NUP98: variants seen among roughly 807,000 people sequenced by gnomAD.
The protein encoded by NUP98 is nuclear pore complex protein Nup98-Nup96.
A neutral mutation model predicts 191.9 loss-of-function variants in NUP98; 26 were observed. The ratio of observed to expected loss-of-function variants is 0.14; its 90% CI spans 0.10 to 0.19. NUP98 has a LOEUF of 0.19. Among genes scored for constraint, NUP98 ranks in the 10% least tolerant of loss-of-function variants. The pLI is 1.00. For missense variants in NUP98, 1,941 were observed against 2,178.8 expected, an observed-to-expected ratio of 0.89 and a Z score of 2.17; for synonymous variants, 808 against 778.4, an observed-to-expected ratio of 1.04 and a Z score of -0.63.
At chr11:3,776,053 C>T (rs773640372) in intron 4 of NUP98, 32 bp from the exon 5 acceptor site, 3 of 1,555,292 alleles carry the variant, frequency 1.9e-6, no homozygotes, top group Non-Finnish European at 2.6e-6. Context: ...GAGACGATAA[C>T]AGTAAGAAAT....
chr11:3,733,965 C>A (rs2079946149), intron 13 of NUP98, among the ~76,000 whole-genome samples: 1 of 151,968 alleles, frequency 6.6e-6, no homozygotes. Flanking sequence ...TTAAAAGGTA[C>A]TTTCATATTC....
chr11:3,761,452 C>A lies in NUP98; in HGVS notation c.1087-826G>T, dbSNP rs543020016. On this transcript the variant is annotated intron_variant, in intron 9 of 32. Transcript: ENST00000324932. Reference sequence around the variant, plus strand: ...GCCTAGCCAACGTGGCAAAATCCCACCTCTACTAAAAAATACAAAAATTAA... The same window carrying A: ...GCCTAGCCAACGTGGCAAAATCCCAACTCTACTAAAAAATACAAAAATTAA... Among the ~76,000 whole-genome samples, 328 of 152,106 alleles carry A rather than the reference C, an allele frequency of 2.2e-3. 2 individuals are homozygous for A. The highest frequency in any genetic ancestry group is 3.3e-3 in the Non-Finnish European group (226 of 67,982).
Position 3,772,684 on chromosome 11 carries a change from G to A in NUP98, c.604-756C>T, listed in dbSNP as rs142351454. On this transcript the variant is annotated intron_variant, in intron 6 of 32. Transcript: ENST00000324932. ...ACAAAAATTAGCTGGGCATAGTGGC[G>A]TGCAGCTGCAATCCCAGCTACTCAG... Among the ~76,000 whole-genome samples the A allele has an allele frequency of 3.7e-3, 570 of 152,012 alleles. 2 individuals are homozygous for A. Among genetic ancestry groups the A allele is most frequent in the Middle Eastern group, 6.8e-3 (2 of 294 alleles).
chr11:3,752,255 C>T (rs1322379629), intron 11 of NUP98, among the ~76,000 whole-genome samples: 1 of 151,566 alleles, frequency 6.6e-6, no homozygotes, highest in Non-Finnish European at 1.5e-5. Flanking sequence ...CGGTGGCTCA[C>T]ACCTGTAATC....
At chr11:3,682,298 T>C (rs2078005565) in intron 30 of NUP98, among the ~76,000 whole-genome samples, 1 of 152,220 alleles carries the variant, frequency 6.6e-6, no homozygotes, top group African/African-American at 2.4e-5. Context: ...TTCAAGAACT[T>C]TCCTTTAACA....
rs2080863189 is a variant in NUP98, at chr11:3,753,927, G to A, written c.1175-519C>T. On this transcript the variant is annotated intron_variant, in intron 10 of 32. Coordinates refer to ENST00000324932, the MANE Select transcript of NUP98 (RefSeq NM_016320.5). ...GCACTCCAGCCTGGGCAACAGAGCA[G>A]GACTCTGTCTCGAAAACAAATAAAA... Among the ~76,000 whole-genome samples, 8 of 150,708 alleles carry A rather than the reference G, an allele frequency of 5.3e-5. No homozygotes were observed. The South Asian group carries it at 1.5e-3, about 28-fold the overall frequency.
chr11:3,681,323 G>A (rs530873399), intron 30 of NUP98, among the ~76,000 whole-genome samples: 3 of 152,250 alleles, frequency 2.0e-5, no homozygotes, highest in East Asian at 1.9e-4. Context: ...TTACAGGTAC[G>A]AGCCACCGTG....
chr11:3,702,416 AC>A, intron 23 of NUP98, 46 bp downstream of exon 23: 1 of 1,534,624 alleles, frequency 6.5e-7, no homozygotes. Context: ...AGTTTTTTTC[AC>A]CTATCATGTT....
rs901077570 is a variant in NUP98, at chr11:3,744,399, T to C, written c.1408+110A>G. 5 of 1,063,466 alleles carry C rather than the reference T, an allele frequency of 4.7e-6. No individual in the cohort carries two copies. The African/African-American group carries it at 6.3e-5, about 13-fold the overall frequency. 65.9% of individuals were successfully genotyped at this position (1,063,466 alleles called of 1,614,324 possible). On this transcript the variant is annotated intron_variant, in intron 12 of 32. Coordinates refer to ENST00000324932, the MANE Select transcript of NUP98 (RefSeq NM_016320.5). ...TTTACTACCCAATTGTTTAATGACA[T>C]GCATGTATGCAATGCCTTGGTAGGA...
intron 5 of NUP98, among the ~76,000 whole-genome samples, chr11:3,774,202 A>C (rs1298247456): frequency 2.0e-5 from 3 of 151,494 alleles, no homozygotes; most frequent in African/African-American, 7.3e-5. Context: ...GTTCGAGACC[A>C]GCCTGGCTAA....
rs1197973431 is a variant in NUP98 at position 3,797,514 on chromosome 11, C to G, written c.-143G>C. The G allele has an allele frequency of 1.4e-5, 6 of 444,312 alleles. No individual in the cohort carries two copies. Among genetic ancestry groups the G allele is most frequent in the South Asian group, 5.0e-5 (1 of 19,852 alleles). 27.5% of individuals were successfully genotyped at this position (444,312 alleles called of 1,614,324 possible). On this transcript the variant is annotated 5_prime_UTR_variant, in exon 1 of 33. Coordinates refer to ENST00000324932, the MANE Select transcript of NUP98 (RefSeq NM_016320.5). The stretch of plus-strand genomic sequence containing the variant: ...CCGCCGCCGCTACCACCCCTGCCAC[C>G]GACCGCCGCTTCGGGCGCAGCGCGC...
At chr11:3,676,663 T>C in intron 31 of NUP98, 43 bp from the exon 32 acceptor site, 1 of 1,425,422 alleles carries the variant, frequency 7.0e-7, no homozygotes. Context: ...GGGGAGTTCC[T>C]ATCACTCCAA....
chr11:3,680,467 G>A (rs963768966), intron 30 of NUP98, among the ~76,000 whole-genome samples: 1 of 152,144 alleles, frequency 6.6e-6, no homozygotes, highest in African/African-American at 2.4e-5. Context: ...ACTCATCCAT[G>A]AGGGCTGGAT....
At chr11:3,781,420 G>A (rs1373228232) in intron 2 of NUP98, 1 of 137,604 alleles carries the variant, frequency 7.3e-6, no homozygotes, top group Non-Finnish European at 1.5e-5. Context: ...TTTAGAATTT[G>A]TCTAGCAGGG....
chr11:3,723,659 T>C (rs1157729475), intron 15 of NUP98, among the ~76,000 whole-genome samples: 1 of 152,002 alleles, frequency 6.6e-6, no homozygotes, highest in Non-Finnish European at 1.5e-5. Flanking sequence ...TGGAATCAAA[T>C]AATTGGTTAA....
intron 25 of NUP98, 140 bp downstream of exon 25, chr11:3,698,942 C>T: frequency 1.1e-6 from 1 of 898,366 alleles, no homozygotes; most frequent in Non-Finnish European, 1.7e-6. Context: ...TCCACGGGAA[C>T]CAGCAATCTT....
At chr11:3,773,592 C>A in intron 6 of NUP98, 40 bp downstream of exon 6, 2 of 1,257,754 alleles carry the variant, frequency 1.6e-6, no homozygotes, top group Non-Finnish European at 2.3e-6. Context: ...CCAATAAAAT[C>A]AAAAGGTTAG....
At chr11:3,681,227 G>C (rs1485803692) in intron 30 of NUP98, among the ~76,000 whole-genome samples, 2 of 152,120 alleles carry the variant, frequency 1.3e-5, no homozygotes, top group Non-Finnish European at 2.9e-5. Context: ...TTTTTGTAGA[G>C]ATTGGGTTTC....
intron 18 of NUP98, among the ~76,000 whole-genome samples, chr11:3,716,862 C>CT (rs1231385468): frequency 6.6e-6 from 1 of 151,968 alleles, no homozygotes; most frequent in African/African-American, 2.4e-5. Flanking sequence ...CCAAATTGTT[C>CT]TTTTTTGAGA....
Sources: gnomAD v4.1 joint callset for allele counts (sites outside exome capture counted in the v4.1 genomes callset) on GRCh38, gnomAD v4.1.1 for gene constraint, MANE v1.5 for transcripts, NCBI Gene and HGNC (gene_info 2026-07-23, HGNC 2026-07-21) for gene names.